PPP4R3B: variants seen among roughly 807,000 people sequenced by gnomAD.
PPP4R3B encodes protein phosphatase 4 regulatory subunit 3B, also known as serine/threonine-protein phosphatase 4 regulatory subunit 3B.
In PPP4R3B, 52 loss-of-function variants were observed where a neutral mutation model predicts 95.4. That is an observed-to-expected ratio of 0.54 (90% CI 0.44 to 0.69). The LOEUF (loss-of-function observed/expected upper bound fraction) is 0.69. Among genes scored for constraint, PPP4R3B ranks in the 30% least tolerant of loss-of-function variants. PPP4R3B has a pLI of 0.00. For synonymous variants in PPP4R3B, 407 were observed against 343.9 expected (o/e 1.18, Z -2.03); for missense variants, 1,003 against 1,005.9 (o/e 1.00, Z 0.04).
chr2:55,558,268 A>G (rs1686104880), intron 16 of PPP4R3B, among the ~76,000 whole-genome samples: 1 of 152,220 alleles, frequency 6.6e-6, no homozygotes, highest in South Asian at 2.1e-4. Context: ...AGTCAGTGAA[A>G]TATTAGAATC....
At chr2:55,578,106 C>A (rs1688935970) in intron 10 of PPP4R3B, 141 bp downstream of exon 10, 5 of 847,030 alleles carry the variant, frequency 5.9e-6, no homozygotes, top group African/African-American at 1.8e-5. Flanking sequence ...AAAAATAACA[C>A]TGGATAAAAA....
chr2:55,592,530 T>A (rs79094921), intron 4 of PPP4R3B, among the ~76,000 whole-genome samples: 2,602 of 152,256 alleles, frequency 0.017, 36 homozygotes, highest in Non-Finnish European at 0.026. Flanking sequence ...AACAGTTTTT[T>A]AAAGAGTATC....
At chr2:55,563,991 T>C (rs2103925830) in intron 15 of PPP4R3B, among the ~76,000 whole-genome samples, 1 of 152,004 alleles carries the variant, frequency 6.6e-6, no homozygotes, top group East Asian at 1.9e-4. Flanking sequence ...TGAAGCTATA[T>C]GGTCTCTGTT....
At chr2:55,569,521 G>A (rs1687723225) in intron 12 of PPP4R3B, among the ~76,000 whole-genome samples, 1 of 152,168 alleles carries the variant, frequency 6.6e-6, no homozygotes, top group African/African-American at 2.4e-5. Flanking sequence ...TAGCAAATTA[G>A]TGAAAGTACT....
chr2:55,596,488 C>T (rs1691791548), intron 4 of PPP4R3B, among the ~76,000 whole-genome samples: 1 of 152,232 alleles, frequency 6.6e-6, no homozygotes, highest in Non-Finnish European at 1.5e-5. Flanking sequence ...ATGAAAATAT[C>T]ACTATTAAAA....
At chr2:55,585,193 T>A (rs1053751339) in intron 6 of PPP4R3B, 26 bp from the exon 7 acceptor site, 1 of 1,497,336 alleles carries the variant, frequency 6.7e-7, no homozygotes, top group African/African-American at 1.4e-5. Flanking sequence ...TTAGGTTACT[T>A]AGAGACTGTT....
Position 55,578,230 on chromosome 2 carries a change from C to T in PPP4R3B, c.1564+17G>A. The T allele has an allele frequency of 7.1e-7, 1 of 1,401,936 alleles. No individual in the cohort carries two copies. Among genetic ancestry groups the T allele is most frequent in the Non-Finnish European group, 9.3e-7 (1 of 1,074,890 alleles). 86.8% of individuals were successfully genotyped at this position (1,401,936 alleles called of 1,614,324 possible). A position where few individuals can be genotyped will look rare whatever the true frequency, so the allele number is the denominator to read the frequency against. Reference sequence around the variant, plus strand: ...CATAAGTAAATATAGGAGTGATACACTCCAAATTCAGCATACCTTGAGAGA... The same window carrying T: ...CATAAGTAAATATAGGAGTGATACATTCCAAATTCAGCATACCTTGAGAGA... On this transcript the variant is annotated intron_variant, in intron 10 of 16. Transcript: ENST00000616407.
chr2:55,562,841 C>T (rs1343125824), intron 15 of PPP4R3B, among the ~76,000 whole-genome samples: 2 of 152,128 alleles, frequency 1.3e-5, no homozygotes, highest in Non-Finnish European at 2.9e-5. Context: ...CTGTAGCTTC[C>T]ACTCACTGAC....
At chr2:55,564,812 T>G in intron 14 of PPP4R3B, 90 bp downstream of exon 14, 1 of 1,483,424 alleles carries the variant, frequency 6.7e-7, no homozygotes, top group Non-Finnish European at 9.2e-7. Context: ...GAAAGAAAAT[T>G]CCTCAGTAAA....
At chr2:55,566,653 A>G (rs374275681) in intron 13 of PPP4R3B, among the ~76,000 whole-genome samples, 37 of 152,322 alleles carry the variant, frequency 2.4e-4, no homozygotes, top group African/African-American at 8.4e-4. Flanking sequence ...GTTATCAGCA[A>G]AAATCTGACT....
intron 7 of PPP4R3B, among the ~76,000 whole-genome samples, chr2:55,582,414 T>G (rs1689567860): frequency 2.0e-5 from 3 of 152,194 alleles, no homozygotes. Context: ...CCACCATGCC[T>G]GACTAATTTT....
intron 2 of PPP4R3B, among the ~76,000 whole-genome samples, chr2:55,611,899 T>G (rs1694216348): frequency 6.6e-6 from 1 of 152,102 alleles, no homozygotes; most frequent in African/African-American, 2.4e-5. Flanking sequence ...TGGATAATTT[T>G]TGAATTTTTT....
chr2:55,605,777 G>A (rs1240572216), intron 2 of PPP4R3B, among the ~76,000 whole-genome samples: 9 of 151,896 alleles, frequency 5.9e-5, no homozygotes, highest in Admixed American at 1.3e-4. Context: ...GTGGTGGCGC[G>A]TGCCTATAGT....
chr2:55,606,974 TTATC>T (rs916471056), intron 2 of PPP4R3B, among the ~76,000 whole-genome samples: 1 of 152,154 alleles, frequency 6.6e-6, no homozygotes, highest in African/African-American at 2.4e-5. Flanking sequence ...AATTTAACCA[TTATC>T]TAGTTCATTT....
intron 2 of PPP4R3B, among the ~76,000 whole-genome samples, chr2:55,612,970 G>C (rs963456573): frequency 6.6e-6 from 1 of 151,440 alleles, no homozygotes; most frequent in Non-Finnish European, 1.5e-5. Flanking sequence ...AATTAGTCAA[G>C]CATGGTGGCT....
chr2:55,563,100 T>C (rs1686833217), intron 15 of PPP4R3B, among the ~76,000 whole-genome samples: 1 of 152,016 alleles, frequency 6.6e-6, no homozygotes, highest in South Asian at 2.1e-4. Context: ...CTTTTGACAA[T>C]AGTCAGGGCA....
At chr2:55,607,484 C>G (rs2103811925) in intron 2 of PPP4R3B, among the ~76,000 whole-genome samples, 1 of 152,226 alleles carries the variant, frequency 6.6e-6, no homozygotes, top group Middle Eastern at 3.4e-3. Flanking sequence ...GTTATATCTA[C>G]CAGTTTATTA....
chr2:55,586,610 A>T lies in PPP4R3B; in HGVS notation c.1116+8T>A. The T allele has an allele frequency of 6.6e-7, 1 of 1,522,728 alleles. No homozygotes were observed. Among genetic ancestry groups the T allele is most frequent in the Non-Finnish European group, 9.0e-7 (1 of 1,106,856 alleles). 94.3% of individuals were successfully genotyped at this position (1,522,728 alleles called of 1,614,324 possible). ...TTTCAAAAACATGAAAAGAAACGGC[A>T]TAATTACCATTACAATTTCAAGAGC... On this transcript the variant is annotated splice_region_variant and intron_variant, in intron 6 of 16. Coordinates refer to ENST00000616407, the MANE Select transcript of PPP4R3B (RefSeq NM_001122964.3).
intron 4 of PPP4R3B, among the ~76,000 whole-genome samples, chr2:55,594,392 G>A (rs926989314): frequency 6.6e-6 from 1 of 151,020 alleles, no homozygotes; most frequent in Non-Finnish European, 1.5e-5. Flanking sequence ...ACAGTTCACA[G>A]AATCTGGCTA....
Sources: gnomAD v4.1 joint callset for allele counts (sites outside exome capture counted in the v4.1 genomes callset) on GRCh38, gnomAD v4.1.1 for gene constraint, MANE v1.5 for transcripts, NCBI Gene and HGNC (gene_info 2026-07-23, HGNC 2026-07-21) for gene names.